The following RRP15 variants were observed in gnomAD, a reference collection of about 807,000 sequenced individuals.
RRP15 encodes ribosomal RNA processing 15 homolog, also known as RRP15-like protein.
A neutral mutation model predicts 27.1 loss-of-function variants in RRP15; 18 were observed. The ratio of observed to expected loss-of-function variants is 0.66; its 90% CI spans 0.46 to 0.98. The LOEUF is 0.98. Ranked by LOEUF, RRP15 falls within the 50% of genes least tolerant of loss-of-function variation. RRP15 has a pLI of 0.00. For missense variants in RRP15, 359 were observed against 337.8 expected (o/e 1.06, Z -0.49); for synonymous variants, 107 against 109.4 (o/e 0.98, Z 0.14).
At chr1:218,286,432 G>A (rs1322249412) in intron 1 of RRP15, among the ~76,000 whole-genome samples, 1 of 152,144 alleles carries the variant, frequency 6.6e-6, no homozygotes, top group Non-Finnish European at 1.5e-5. Context: ...TGCTTGGCAT[G>A]TCTCTCCCTC....
intron 1 of RRP15, among the ~76,000 whole-genome samples, chr1:218,295,808 GCACATGTAAT>G (rs1655709360): frequency 6.6e-6 from 1 of 152,128 alleles, no homozygotes; most frequent in African/African-American, 2.4e-5. Flanking sequence ...TTGCCCAATA[GCACATGTAAT>G]CACATCTGAA....
chr1:218,327,687 T>C (rs537677133), intron 4 of RRP15, among the ~76,000 whole-genome samples: 21 of 152,348 alleles, frequency 1.4e-4, no homozygotes, highest in African/African-American at 5.0e-4. Flanking sequence ...ACACTTGTTT[T>C]TATAAATTTT....
chr1:218,300,979 A>G (rs2102497233), intron 1 of RRP15, among the ~76,000 whole-genome samples: 1 of 152,346 alleles, frequency 6.6e-6, no homozygotes, highest in East Asian at 1.9e-4. Context: ...TTTTTCTTCT[A>G]GTGTTAAATA....
intron 3 of RRP15, among the ~76,000 whole-genome samples, 160 bp downstream of exon 3, chr1:218,305,285 A>T (rs143804123): frequency 6.6e-6 from 1 of 152,212 alleles, no homozygotes; most frequent in African/African-American, 2.4e-5. Flanking sequence ...AAGATTTTCC[A>T]GGTCTCGTGA....
chr1:218,291,407 T>C (rs890716251), intron 1 of RRP15, among the ~76,000 whole-genome samples: 3 of 151,010 alleles, frequency 2.0e-5, no homozygotes, highest in African/African-American at 7.3e-5. Context: ...ATTGTGCCAC[T>C]GCACTCCAGC....
rs1179062672 is a variant in RRP15 at position 218,331,558 on chromosome 1, ATAAAATT to A, written c.*475_*481del. ...GGAAGTTATTGAGAAAACCTATATA[ATAAAATT>A]TAAAATTATAGTTTTTCAGATTTTG... is the stretch of plus-strand genomic sequence containing the variant. On this transcript the variant is annotated 3_prime_UTR_variant, in exon 5 of 5. Coordinates refer to ENST00000366932, the MANE Select transcript of RRP15 (RefSeq NM_016052.4). 6.6e-6 allele frequency: 1 copy of A among 151,192 alleles called. No homozygotes were observed. Among genetic ancestry groups the A allele is most frequent in the Non-Finnish European group, 1.5e-5 (1 of 67,916 alleles). The allele number at this position is 151,192 out of a possible 1,614,324, so 9.4% of individuals were successfully genotyped here.
intron 1 of RRP15, among the ~76,000 whole-genome samples, chr1:218,300,150 A>G (rs1655788019): frequency 6.6e-6 from 1 of 152,152 alleles, no homozygotes; most frequent in Non-Finnish European, 1.5e-5. Flanking sequence ...TTTTGTCTTT[A>G]TTAAGAAATA....
At chr1:218,293,584 A>G (rs1026417392) in intron 1 of RRP15, among the ~76,000 whole-genome samples, 1 of 152,202 alleles carries the variant, frequency 6.6e-6, no homozygotes, top group African/African-American at 2.4e-5. Flanking sequence ...GATGTGCCCT[A>G]TATCGACATT....
intron 4 of RRP15, among the ~76,000 whole-genome samples, chr1:218,328,264 A>C (rs1260133690): frequency 6.6e-6 from 1 of 152,222 alleles, no homozygotes; most frequent in Non-Finnish European, 1.5e-5. Flanking sequence ...TGTTTACAGC[A>C]ATCATCTTTC....
intron 1 of RRP15, among the ~76,000 whole-genome samples, chr1:218,289,678 C>T (rs1489594978): frequency 6.6e-6 from 1 of 152,174 alleles, no homozygotes; most frequent in East Asian, 1.9e-4. Flanking sequence ...TTCTTGCCCG[C>T]ATCTCTCTCT....
chr1:218,328,854 C>T (rs548625580), intron 4 of RRP15, among the ~76,000 whole-genome samples: 4 of 152,056 alleles, frequency 2.6e-5, no homozygotes, highest in East Asian at 1.9e-4. Context: ...TGTGCTCTTT[C>T]GGTAACGTGT....
intron 1 of RRP15, among the ~76,000 whole-genome samples, chr1:218,288,402 T>G (rs1298333545): frequency 6.6e-6 from 1 of 152,244 alleles, no homozygotes; most frequent in East Asian, 1.9e-4. Flanking sequence ...ACAATAGTTA[T>G]ACTTTTGGAA....
chr1:218,337,740 A>G lies in RRP15; in HGVS notation c.*6649A>G, dbSNP rs1350239454. ...TTAATGAGACACTAAAACAGTTTTT[A>G]TTTTTTGCTTACTTATTCTGTTCTA... On this transcript the variant is annotated 3_prime_UTR_variant, in exon 5 of 5. Coordinates refer to ENST00000366932, the MANE Select transcript of RRP15 (RefSeq NM_016052.4). The G allele has an allele frequency of 6.6e-6, 1 of 152,114 alleles. No homozygotes were observed. 9.4% of individuals were successfully genotyped at this position (152,114 alleles called of 1,614,324 possible).
rs148554612 is a variant in RRP15 at position 218,306,468 on chromosome 1, T to C, written c.504-963T>C. Among the ~76,000 whole-genome samples the C allele has an allele frequency of 7.9e-3, 1,197 of 152,248 alleles. 20 individuals carry two copies. The highest frequency in any genetic ancestry group is 0.027 in the African/African-American group (1,137 of 41,538). On this transcript the variant is annotated intron_variant, in intron 3 of 4. Coordinates refer to ENST00000366932, the MANE Select transcript of RRP15 (RefSeq NM_016052.4). The stretch of plus-strand genomic sequence containing the variant: ...AGGTCACTACCTACAAACACAACCC[T>C]GAGAAATGGCCTGGATAAAGAGCAG...
intron 4 of RRP15, among the ~76,000 whole-genome samples, chr1:218,309,548 T>C (rs1407224023): frequency 1.3e-5 from 2 of 151,892 alleles, no homozygotes; most frequent in Non-Finnish European, 2.9e-5. Context: ...CTGGGCATGG[T>C]GGCACCCACC....
intron 4 of RRP15, among the ~76,000 whole-genome samples, chr1:218,318,530 T>C (rs1656124974): frequency 6.6e-6 from 1 of 152,180 alleles, no homozygotes; most frequent in Non-Finnish European, 1.5e-5. Context: ...CATTATGGTG[T>C]CATTTATCTT....
At chr1:218,317,484 G>A (rs1358204254) in intron 4 of RRP15, among the ~76,000 whole-genome samples, 6 of 152,140 alleles carry the variant, frequency 3.9e-5, no homozygotes, top group Non-Finnish European at 8.8e-5. Context: ...AATGAAGTCT[G>A]ACACATTTTA....
chr1:218,307,443 A>G lies in RRP15; in HGVS notation c.516A>G (p.Gln172=), dbSNP rs1352804216. 4 of 1,613,532 alleles carry G rather than the reference A, an allele frequency of 2.5e-6. No individual in the cohort carries two copies. The highest frequency in any genetic ancestry group is 3.4e-6 in the Non-Finnish European group (4 of 1,179,656). Residue 172 remains glutamine (Q), a synonymous_variant, in exon 4 of 5, where the codon CAA becomes CAG. Coordinates refer to ENST00000366932, the MANE Select transcript of RRP15 (RefSeq NM_016052.4). ...LQRIATRGVV[Q]LFNAVQKHQK... ...TTATATTCTACAGGGGTGTGGTGCA[A>G]TTATTTAATGCTGTTCAGAAACATC...
intron 1 of RRP15, among the ~76,000 whole-genome samples, chr1:218,291,810 G>A (rs1024798173): frequency 1.3e-5 from 2 of 151,472 alleles, no homozygotes; most frequent in Non-Finnish European, 2.9e-5. Context: ...GATTACAGGC[G>A]TGAGCCACCG....
Sources: allele counts gnomAD v4.1 joint callset (sites outside exome capture counted in the v4.1 genomes callset), GRCh38; gene constraint gnomAD v4.1.1; transcripts MANE v1.5; gene names NCBI Gene and HGNC (gene_info 2026-07-23, HGNC 2026-07-21).